Variants in C1orf21 observed in about 807,000 individuals in gnomAD.
C1orf21 encodes uncharacterized protein C1orf21.
C1orf21 carries 3 observed loss-of-function variants against 18.7 expected under a neutral mutation model. The ratio of observed to expected loss-of-function variants is 0.16; its 90% confidence interval spans 0.07 to 0.42. The LOEUF is 0.42. Among genes scored for constraint, C1orf21 ranks in the 10% least tolerant of loss-of-function variants. The pLI is 0.99. For synonymous variants in C1orf21, 41 were observed against 46.4 expected, an observed-to-expected ratio of 0.88 and a Z score of 0.47; for missense variants, 104 against 143.6, an observed-to-expected ratio of 0.72 and a Z score of 1.41.
At chr1:184,479,508 C>T (rs1657621237) in intron 2 of C1orf21, among the ~76,000 whole-genome samples, 2 of 151,848 alleles carry the variant, frequency 1.3e-5, no homozygotes, top group Non-Finnish European at 2.9e-5. Context: ...CGGACTTGTC[C>T]GAGGTTACCC....
At chr1:184,484,890 G>GTGTT (rs1055541064) in intron 2 of C1orf21, among the ~76,000 whole-genome samples, 22 of 76,784 alleles carry the variant, frequency 2.9e-4, no homozygotes, top group African/African-American at 8.6e-4. Context: ...GTGGCTGTGT[G>GTGTT]TGTGTGTGTG....
intron 3 of C1orf21, among the ~76,000 whole-genome samples, chr1:184,565,871 A>T (rs1225526951): frequency 6.6e-6 from 1 of 152,230 alleles, no homozygotes; most frequent in Non-Finnish European, 1.5e-5. Context: ...ACTATTTATA[A>T]ATCTACAAGT....
intron 3 of C1orf21, among the ~76,000 whole-genome samples, chr1:184,525,067 G>C (rs2101970802): frequency 6.6e-6 from 1 of 151,600 alleles, no homozygotes; most frequent in East Asian, 1.9e-4. Context: ...TCATGTTTTT[G>C]CAGTATGGTG....
At chr1:184,599,916 G>A (rs1299636329) in intron 5 of C1orf21, among the ~76,000 whole-genome samples, 1 of 152,136 alleles carries the variant, frequency 6.6e-6, no homozygotes, top group African/African-American at 2.4e-5. Context: ...GGAAACGTTT[G>A]AACTTCAAAA....
chr1:184,488,373 AGT>A (rs1473040282), intron 2 of C1orf21, among the ~76,000 whole-genome samples: 1 of 152,172 alleles, frequency 6.6e-6, no homozygotes, highest in Non-Finnish European at 1.5e-5. Context: ...TCTATACATG[AGT>A]GTGTGTGTCT....
chr1:184,577,143 A>AT (rs1382382501), intron 3 of C1orf21, among the ~76,000 whole-genome samples: 2 of 151,024 alleles, frequency 1.3e-5, no homozygotes, highest in Non-Finnish European at 2.9e-5. Context: ...AAGTGATGAA[A>AT]TTAGGGATCT....
At chr1:184,482,622 A>G (rs1014137888) in intron 2 of C1orf21, among the ~76,000 whole-genome samples, 15 of 152,222 alleles carry the variant, frequency 9.9e-5, no homozygotes, top group Non-Finnish European at 1.6e-4. Flanking sequence ...TTTAAAAGCT[A>G]AACATTTAAA....
chr1:184,561,871 G>C (rs1262361328), intron 3 of C1orf21, among the ~76,000 whole-genome samples: 2 of 152,124 alleles, frequency 1.3e-5, no homozygotes, highest in Admixed American at 6.5e-5. Context: ...CTGACATCAT[G>C]ATCCGCCCAC....
intron 1 of C1orf21, among the ~76,000 whole-genome samples, chr1:184,447,024 ATC>A (rs1014796719): frequency 1.1e-4 from 16 of 152,258 alleles, no homozygotes; most frequent in African/African-American, 3.8e-4. Context: ...CAAATTAATT[ATC>A]TGTTTTGAGA....
intron 1 of C1orf21, among the ~76,000 whole-genome samples, chr1:184,441,819 A>C (rs1328941586): frequency 6.6e-6 from 1 of 152,236 alleles, no homozygotes; most frequent in African/African-American, 2.4e-5. Context: ...CATGTCAGAA[A>C]ATTTGACAAT....
chr1:184,616,623 A>G (rs1163225594), intron 5 of C1orf21, among the ~76,000 whole-genome samples: 2 of 152,202 alleles, frequency 1.3e-5, no homozygotes, highest in African/African-American at 2.4e-5. Flanking sequence ...TCATTTACCA[A>G]ATTGAAGACA....
chr1:184,564,239 A>G (rs1659003437), intron 3 of C1orf21, among the ~76,000 whole-genome samples: 2 of 152,212 alleles, frequency 1.3e-5, no homozygotes, highest in African/African-American at 2.4e-5. Flanking sequence ...AAATACCTAG[A>G]CTGGACTAGG....
chr1:184,493,150 TGGTCTTTGACA>T (rs1298048998), intron 2 of C1orf21, among the ~76,000 whole-genome samples: 4 of 152,222 alleles, frequency 2.6e-5, no homozygotes, highest in Non-Finnish European at 5.9e-5. Context: ...TGAATAAAAA[TGGTCTTTGACA>T]GTTTTTTAAA....
At chr1:184,517,369 TC>T (rs1015778754) in intron 3 of C1orf21, among the ~76,000 whole-genome samples, 1 of 152,188 alleles carries the variant, frequency 6.6e-6, no homozygotes, top group African/African-American at 2.4e-5. Flanking sequence ...TAAAGGTTGT[TC>T]CTGATTATCT....
intron 1 of C1orf21, among the ~76,000 whole-genome samples, chr1:184,434,448 CAG>C (rs775764630): frequency 5.3e-5 from 8 of 152,298 alleles, no homozygotes; most frequent in Admixed American, 1.3e-4. Flanking sequence ...GTTTCAGACA[CAG>C]GGGATAATAG....
intron 3 of C1orf21, among the ~76,000 whole-genome samples, chr1:184,547,420 C>CTTTTTTTTTTTTTTTT (rs34169321): frequency 1.9e-5 from 2 of 102,964 alleles, no homozygotes; most frequent in Admixed American, 9.6e-5. Flanking sequence ...TACATCCAGA[C>CTTTTTTTTTTTTTTTT]TTTTTTTTTT....
chr1:184,444,330 G>A (rs12567398), intron 1 of C1orf21, among the ~76,000 whole-genome samples: 21 of 152,102 alleles, frequency 1.4e-4, no homozygotes, highest in East Asian at 3.9e-4. Flanking sequence ...GAAGGGACCC[G>A]GTGGGAGATA....
chr1:184,433,188 T>A (rs187376159), intron 1 of C1orf21, among the ~76,000 whole-genome samples: 1 of 151,880 alleles, frequency 6.6e-6, no homozygotes, highest in East Asian at 1.9e-4. Context: ...GTGGGGTGTG[T>A]GTGCAGAGTG....
At chr1:184,506,969 A>G (rs541269965) in intron 2 of C1orf21, among the ~76,000 whole-genome samples, 2 of 151,040 alleles carry the variant, frequency 1.3e-5, no homozygotes, top group East Asian at 3.9e-4. Context: ...ATTAAAGTGT[A>G]TATATACATA....
Sources: allele counts gnomAD v4.1 joint callset (sites outside exome capture counted in the v4.1 genomes callset), GRCh38; gene constraint gnomAD v4.1.1; transcripts MANE v1.5; gene names NCBI Gene and HGNC (gene_info 2026-07-23, HGNC 2026-07-21).